Variants in PCDH15 observed in about 807,000 individuals in gnomAD.
PCDH15 encodes protocadherin related 15.
PCDH15 carries 129 observed loss-of-function variants against 178.5 expected under a neutral mutation model. The observed-to-expected ratio is 0.72, with a 90% CI of 0.63 to 0.84. The LOEUF (loss-of-function observed/expected upper bound fraction) is 0.84. Among genes scored for constraint, PCDH15 ranks in the 40% least tolerant of loss-of-function variants. The probability of loss-of-function intolerance (pLI) is 0.00; values close to 1 mark genes in which losing one functional copy is unlikely to be tolerated. For missense variants in PCDH15, 2,230 were observed against 2,099.9 expected, an observed-to-expected ratio of 1.06 and a Z score of -1.21; for synonymous variants, 800 against 732.0, an observed-to-expected ratio of 1.09 and a Z score of -1.50.
chr10:54,099,302 C>A (rs1183440962), intron 15 of PCDH15, among the ~76,000 whole-genome samples: 1 of 151,698 alleles, frequency 6.6e-6, no homozygotes, highest in East Asian at 1.9e-4. Flanking sequence ...AGATCGAGAC[C>A]ATCCTGGCTA....
intron 2 of PCDH15, among the ~76,000 whole-genome samples, chr10:54,559,867 A>AAAAAAG (rs2087844620): frequency 1.8e-5 from 1 of 56,848 alleles, no homozygotes; most frequent in Admixed American, 1.6e-4. Flanking sequence ...AAAAAAAAAA[A>AAAAAAG]AAAAAAAGAA....
At chr10:53,897,712 C>G (rs2082047874) in intron 26 of PCDH15, among the ~76,000 whole-genome samples, 1 of 152,110 alleles carries the variant, frequency 6.6e-6, no homozygotes, top group Non-Finnish European at 1.5e-5. Flanking sequence ...CCACTTCACC[C>G]CTAAACCCTG....
intron 2 of PCDH15, among the ~76,000 whole-genome samples, chr10:54,566,995 G>T (rs962213958): frequency 3.3e-5 from 5 of 152,096 alleles, no homozygotes; most frequent in Admixed American, 2.6e-4. Context: ...ACAGCATTTG[G>T]TGTCATCAGG....
In PCDH15 at chr10:54,603,769, G is replaced by A. The variant is rs146879780; in HGVS notation, c.91+60403C>T. The stretch of plus-strand genomic sequence containing the variant: ...TAGCATTTAAGACAGAATTGGTTTA[G>A]CCTGTACACTCCACCTATCTGACCC... On this transcript the variant is annotated intron_variant, in intron 2 of 37. Coordinates refer to ENST00000644397, the MANE Select transcript of PCDH15 (RefSeq NM_001384140.1). Among the ~76,000 whole-genome samples, 31 of 152,008 alleles carry A rather than the reference G, an allele frequency of 2.0e-4. No individual in the cohort carries two copies. The South Asian group carries it at 2.7e-3, about 13-fold the overall frequency.
chr10:54,065,577 G>A (rs2094121752), intron 18 of PCDH15, among the ~76,000 whole-genome samples: 2 of 152,146 alleles, frequency 1.3e-5, no homozygotes, highest in South Asian at 4.1e-4. Flanking sequence ...AAGACCAGTT[G>A]GCATTTTATA....
intron 18 of PCDH15, among the ~76,000 whole-genome samples, chr10:54,029,889 A>G (rs2093241356): frequency 1.3e-5 from 2 of 152,116 alleles, no homozygotes; most frequent in African/African-American, 4.8e-5. Context: ...AAGACCTTAA[A>G]GCATGCCTGT....
At chr10:55,598,374 C>T (rs1235094524) in intron 2 of PCDH15, among the ~76,000 whole-genome samples, 1 of 151,392 alleles carries the variant, frequency 6.6e-6, no homozygotes, top group Non-Finnish European at 1.5e-5. Flanking sequence ...CAGAGTACTA[C>T]ATGCAGCAGC....
chr10:55,594,907 G>A (rs1419396504), intron 2 of PCDH15, among the ~76,000 whole-genome samples: 2 of 152,018 alleles, frequency 1.3e-5, no homozygotes. Context: ...AATTACATAT[G>A]TACCTAAGAA....
chr10:54,896,034 G>A (rs568810375), intron 3 of PCDH15, among the ~76,000 whole-genome samples: 17 of 151,958 alleles, frequency 1.1e-4, no homozygotes, highest in South Asian at 2.1e-4. Context: ...CTAGAGGTGC[G>A]TGTCACCACA....
At chr10:54,018,942 A>G (rs1466725165) in intron 20 of PCDH15, among the ~76,000 whole-genome samples, 1 of 152,100 alleles carries the variant, frequency 6.6e-6, no homozygotes, top group African/African-American at 2.4e-5. Context: ...CATGTATACT[A>G]AAGTTAAATT....
chr10:55,235,480 GT>G (rs1287219067), intron 1 of PCDH15, among the ~76,000 whole-genome samples: 1 of 152,068 alleles, frequency 6.6e-6, no homozygotes, highest in Non-Finnish European at 1.5e-5. Context: ...TCCCCAGAAA[GT>G]TCTCATTCAA....
At chr10:54,008,524 C>A (rs1310476802) in intron 20 of PCDH15, among the ~76,000 whole-genome samples, 1 of 152,138 alleles carries the variant, frequency 6.6e-6, no homozygotes, top group Non-Finnish European at 1.5e-5. Flanking sequence ...CATAATTTAA[C>A]TCCCCTAACA....
In PCDH15 at chr10:54,156,417, G is replaced by A. The variant is rs1435954326; in HGVS notation, c.1591-3124C>T. Among the ~76,000 whole-genome samples, 8 of 152,156 alleles carry A rather than the reference G, an allele frequency of 5.3e-5. No homozygotes were observed. In the South Asian group the frequency reaches 8.3e-4, roughly 16 times the overall value. On this transcript the variant is annotated intron_variant, in intron 13 of 37. Transcript: ENST00000644397. ...ATAATCATGGCAGAAGGTGAAAGGT[G>A]CATCTTATGTGGCGGCAGACAAGAG...
chr10:54,408,700 T>C (rs1437993505), intron 3 of PCDH15, among the ~76,000 whole-genome samples: 1 of 152,156 alleles, frequency 6.6e-6, no homozygotes. Context: ...CTATGTATGA[T>C]TGGGGTTACT....
intron 2 of PCDH15, among the ~76,000 whole-genome samples, chr10:55,135,482 C>T (rs1382327423): frequency 1.3e-5 from 2 of 151,772 alleles, no homozygotes; most frequent in Non-Finnish European, 2.9e-5. Context: ...CCTTTCTCTG[C>T]TGTCTCAAGC....
At chr10:54,492,067 CT>C (rs2079647212) in intron 3 of PCDH15, among the ~76,000 whole-genome samples, 1 of 152,108 alleles carries the variant, frequency 6.6e-6, no homozygotes, top group South Asian at 2.1e-4. Flanking sequence ...ATCTATTTCC[CT>C]TTAAAAGGAC....
chr10:55,472,620 G>A (rs1046368900), intron 2 of PCDH15, among the ~76,000 whole-genome samples: 2 of 152,190 alleles, frequency 1.3e-5, no homozygotes, highest in African/African-American at 4.8e-5. Context: ...CCAGGCTGGA[G>A]TGCAGTGGCG....
Position 55,343,007 on chromosome 10 carries a change from A to G in PCDH15, c.-155-176356T>C, listed in dbSNP as rs1844645415. 2.0e-5 allele frequency among the ~76,000 whole-genome samples: 3 copies of G among 152,316 alleles called. No homozygotes were observed. In the South Asian group the frequency reaches 6.2e-4, roughly 32 times the overall value. ...ATGGGAAAACCAAATGCATAGAGGC[A>G]TAAGGGACCATGCAGGACACAACAA... On this transcript the variant is annotated intron_variant, in intron 2 of 5. Transcript: ENST00000613346.
chr10:54,380,705 CATATATAT>C (rs58171476), intron 3 of PCDH15, among the ~76,000 whole-genome samples: 4 of 49,010 alleles, frequency 8.2e-5, no homozygotes, highest in African/African-American at 2.9e-4. Flanking sequence ...ATATATGCTC[CATATATAT>C]ATATATATAT....
Sources: gnomAD v4.1 joint callset for allele counts (sites outside exome capture counted in the v4.1 genomes callset) on GRCh38, gnomAD v4.1.1 for gene constraint, MANE v1.5 for transcripts, NCBI Gene and HGNC (gene_info 2026-07-23, HGNC 2026-07-21) for gene names.